Variants in MRPL48 observed in about 807,000 individuals in gnomAD.
MRPL48 encodes the protein large ribosomal subunit protein mL48.
Under a neutral mutation model 32.9 loss-of-function variants are expected in MRPL48, and 16 were observed. That is an observed-to-expected ratio of 0.49 (90% CI 0.33 to 0.74). The LOEUF (loss-of-function observed/expected upper bound fraction) is 0.74, where lower values mean the gene tolerates loss of function less well. Ranked by LOEUF, MRPL48 falls within the 30% of genes least tolerant of loss-of-function variation. MRPL48 has a pLI of 0.02. For synonymous variants in MRPL48, 94 were observed against 89.2 expected (o/e 1.05, Z -0.31); for missense variants, 206 against 245.3 (o/e 0.84, Z 1.07).
At position 73,790,374 on chromosome 11, in the gene MRPL48, C is replaced by CTTTTTT. The variant is rs759628609; in HGVS notation, c.21+2405_21+2410dup. 1.9e-4 allele frequency among the ~76,000 whole-genome samples: 11 copies of CTTTTTT among 58,020 alleles called. 1 individual carries two copies. The highest frequency in any genetic ancestry group is 3.6e-4 in the East Asian group (1 of 2,746). The allele number at this position is 58,020 out of a possible 152,430, so 38.1% of individuals were successfully genotyped here. On this transcript the variant is annotated intron_variant, in intron 1 of 7. Transcript: ENST00000310614. Reference sequence around the variant, plus strand: ...ACAGGTGTGAGCCACCGCACCCGGCCTTTTTTTTTTTTTTTTTTTTTTTTT... The same window carrying CTTTTTT: ...ACAGGTGTGAGCCACCGCACCCGGCCTTTTTTTTTTTTTTTTTTTTTTTTTTTTTTT...
intron 1 of MRPL48, chr11:73,802,225 C>CT (rs1947374362): frequency 1.3e-5 from 2 of 152,198 alleles, no homozygotes; most frequent in Non-Finnish European, 2.9e-5. Context: ...ACAATGCCTG[C>CT]AATATTGCTT....
rs965688623 is a variant in MRPL48 at position 73,826,317 on chromosome 11, G to T, written c.201+521G>T. ...TTACAGGCATGAGCCACCATGGCTG[G>T]CCTGATTTTATTATTTGTAATACTT... On this transcript the variant is annotated intron_variant, in intron 4 of 7. Transcript: ENST00000310614. Among the ~76,000 whole-genome samples, 36 of 152,024 alleles carry T rather than the reference G, an allele frequency of 2.4e-4. 1 individual carries two copies. Among genetic ancestry groups the T allele is most frequent in the Non-Finnish European group, 1.5e-4 (10 of 67,998 alleles).
At chr11:73,788,167 T>A (rs1241278671) in intron 1 of MRPL48, among the ~76,000 whole-genome samples, 175 bp downstream of exon 1, 2 of 152,046 alleles carry the variant, frequency 1.3e-5, no homozygotes, top group African/African-American at 4.8e-5. Flanking sequence ...TTGAAGGGGC[T>A]GAGCAGATTC....
intron 3 of MRPL48, among the ~76,000 whole-genome samples, chr11:73,813,011 A>G (rs1445537954): frequency 2.6e-5 from 4 of 151,538 alleles, no homozygotes; most frequent in Non-Finnish European, 4.4e-5. Flanking sequence ...TCGGTCTCCC[A>G]TAGTGCTAAG....
intron 1 of MRPL48, among the ~76,000 whole-genome samples, chr11:73,789,166 T>TAC (rs1228931701): frequency 1.3e-4 from 17 of 126,852 alleles, no homozygotes; most frequent in African/African-American, 6.1e-4. Flanking sequence ...GCCAAGATAA[T>TAC]AGAAAAAAAA....
chr11:73,849,516 C>A (rs1256875685), intron 5 of MRPL48, among the ~76,000 whole-genome samples: 2 of 152,134 alleles, frequency 1.3e-5, no homozygotes, highest in African/African-American at 4.8e-5. Context: ...TAGTATTTTT[C>A]TTTTTGATTC....
chr11:73,808,761 A>C (rs1947508151), intron 3 of MRPL48, among the ~76,000 whole-genome samples: 1 of 152,128 alleles, frequency 6.6e-6, no homozygotes. Context: ...GTCTCTACTA[A>C]AAATACAAAA....
chr11:73,799,665 T>A (rs1452516605), intron 1 of MRPL48, among the ~76,000 whole-genome samples: 1 of 152,170 alleles, frequency 6.6e-6, no homozygotes, highest in Non-Finnish European at 1.5e-5. Flanking sequence ...GATGAGAAAT[T>A]ACTTAATGGG....
intron 1 of MRPL48, among the ~76,000 whole-genome samples, chr11:73,796,531 C>G (rs894840583): frequency 6.6e-6 from 1 of 152,262 alleles, no homozygotes; most frequent in Non-Finnish European, 1.5e-5. Flanking sequence ...CAGCAGTGGC[C>G]TGCCCGTGCC....
chr11:73,846,067 CAA>C (rs749259766), intron 5 of MRPL48, among the ~76,000 whole-genome samples: 9 of 57,822 alleles, frequency 1.6e-4, no homozygotes, highest in South Asian at 7.3e-4. Context: ...GACCCTGTCT[CAA>C]AAAAAAAAAA....
Position 73,811,923 on chromosome 11 carries a change from T to C in MRPL48, c.112+3573T>C, listed in dbSNP as rs548677099. Among the ~76,000 whole-genome samples the C allele has an allele frequency of 1.6e-4, 25 of 152,312 alleles. No individual in the cohort carries two copies. The South Asian group carries it at 5.2e-3, about 32-fold the overall frequency. ...TTTTTTTTGAGATGGAGTCTCACTC[T>C]GTTGCCCAGACAAGTGCAATGGCGA... On this transcript the variant is annotated intron_variant, in intron 3 of 7. Coordinates refer to ENST00000310614, the MANE Select transcript of MRPL48 (RefSeq NM_016055.6).
chr11:73,861,631 A>G (rs1335104473), intron 6 of MRPL48, among the ~76,000 whole-genome samples: 1 of 151,982 alleles, frequency 6.6e-6, no homozygotes, highest in Non-Finnish European at 1.5e-5. Flanking sequence ...AGCCTCCCAA[A>G]GTGCTGGGAT....
intron 3 of MRPL48, among the ~76,000 whole-genome samples, chr11:73,809,499 GTCTC>G (rs1947530228): frequency 7.7e-6 from 1 of 130,130 alleles, no homozygotes. Context: ...GCGAGACTCC[GTCTC>G]AAAAAAAAAA....
chr11:73,789,866 A>T (rs993812232), intron 1 of MRPL48, among the ~76,000 whole-genome samples: 8 of 152,152 alleles, frequency 5.3e-5, no homozygotes, highest in Admixed American at 1.3e-4. Context: ...TTAATGTCAT[A>T]CTGATGGCTT....
At position 73,825,808 on chromosome 11, in the gene MRPL48, G is replaced by T; in HGVS notation, c.201+12G>T. 6.4e-7 allele frequency: 1 copy of T among 1,552,682 alleles called. No homozygotes were observed. Among genetic ancestry groups the T allele is most frequent in the Non-Finnish European group, 8.7e-7 (1 of 1,147,214 alleles). On this transcript the variant is annotated intron_variant, in intron 4 of 7. Transcript: ENST00000310614. ...TTAAAGCAGAAGAGGTAACGGGCAG[G>T]GGGAGTCTTTTGGAAAAGGATAATG...
At chr11:73,838,624 C>G (rs768417472) in intron 4 of MRPL48, among the ~76,000 whole-genome samples, 2 of 152,154 alleles carry the variant, frequency 1.3e-5, no homozygotes, top group Middle Eastern at 3.2e-3. Context: ...CTGCCTGTCA[C>G]GATGAGAAGT....
At chr11:73,822,389 C>T (rs1202002226) in intron 3 of MRPL48, among the ~76,000 whole-genome samples, 1 of 152,204 alleles carries the variant, frequency 6.6e-6, no homozygotes, top group Non-Finnish European at 1.5e-5. Flanking sequence ...AGGTGATTAT[C>T]TGCTTTCCTA....
intron 3 of MRPL48, among the ~76,000 whole-genome samples, chr11:73,820,739 A>AATATAT (rs71065040): frequency 0.14 from 21,738 of 151,158 alleles, 1,612 homozygotes; most frequent in Admixed American, 0.16. Flanking sequence ...TTGAGTGGAT[A>AATATAT]ATATATATAT....
rs369851244 is a variant in MRPL48, at chr11:73,804,221, C to T, written c.22-806C>T. 2.0e-4 allele frequency among the ~76,000 whole-genome samples: 30 copies of T among 150,232 alleles called. 1 individual carries two copies. The highest frequency in any genetic ancestry group is 7.1e-4 in the African/African-American group (29 of 40,928). On this transcript the variant is annotated intron_variant, in intron 1 of 7. Coordinates refer to ENST00000310614, the MANE Select transcript of MRPL48 (RefSeq NM_016055.6). ...GCATGAGCCACCGTGCCCAGCCTAT[C>T]ACTGTTATTGAGAGAGACAGTGTAC...
Sources: gnomAD v4.1 joint callset for allele counts (sites outside exome capture counted in the v4.1 genomes callset) on GRCh38, gnomAD v4.1.1 for gene constraint, MANE v1.5 for transcripts, NCBI Gene and HGNC (gene_info 2026-07-23, HGNC 2026-07-21) for gene names.